Variants in SEPTIN12 observed in about 807,000 individuals in gnomAD.
SEPTIN12 encodes the protein septin 12, also known as septin-12.
In SEPTIN12, 42 loss-of-function variants were observed where a neutral mutation model predicts 37.7. The observed-to-expected ratio is 1.11, with a 90% CI of 0.87 to 1.44. The LOEUF (loss-of-function observed/expected upper bound fraction) is 1.44. Ranked by LOEUF, SEPTIN12 falls within the 40% of genes most tolerant of loss-of-function variation. The pLI, the probability that SEPTIN12 is intolerant of heterozygous loss-of-function variation, is 0.00. For synonymous variants in SEPTIN12, 254 were observed against 196.7 expected, an observed-to-expected ratio of 1.29 and a Z score of -2.44; for missense variants, 613 against 479.2, an observed-to-expected ratio of 1.28 and a Z score of -2.61.
At chr16:4,780,837 G>A (rs2082364358) in intron 7 of SEPTIN12, among the ~76,000 whole-genome samples, 1 of 152,162 alleles carries the variant, frequency 6.6e-6, no homozygotes, top group Admixed American at 6.5e-5. Context: ...AATTAGCTGG[G>A]TGTGGTGGCG....
At position 4,784,076 on chromosome 16, in the gene SEPTIN12, G is replaced by A. The variant is rs1555488503; in HGVS notation, c.375-8C>T. 5.0e-6 allele frequency: 8 copies of A among 1,613,846 alleles called. No homozygotes were observed. Among genetic ancestry groups the A allele is most frequent in the South Asian group, 1.1e-5 (1 of 91,064 alleles). ...CCCAGGATGGGGTCCCAGCTGAGGCGGGAGGTGGACCCTCCCCTCAGAACT... is the reference window on the plus strand; with the variant it reads ...CCCAGGATGGGGTCCCAGCTGAGGCAGGAGGTGGACCCTCCCCTCAGAACT... On this transcript the variant is annotated splice_polypyrimidine_tract_variant and splice_region_variant and intron_variant, in intron 4 of 9. Transcript: ENST00000268231.
In SEPTIN12 at chr16:4,784,403, C is replaced by G. The variant is rs185681743; in HGVS notation, c.375-335G>C. The G allele has an allele frequency of 4.0e-5, 12 of 296,972 alleles. No homozygotes were observed. The East Asian group carries it at 6.6e-4, about 16-fold the overall frequency. 18.4% of individuals were successfully genotyped at this position (296,972 alleles called of 1,614,324 possible). On this transcript the variant is annotated intron_variant, in intron 4 of 9. Coordinates refer to ENST00000268231, the MANE Select transcript of SEPTIN12 (RefSeq NM_144605.5). ...TCGCGCCTGATGGTTGCAGGGGTCTCCCTCCTCCTCTTCGAGTCCCTTCCC... is the reference window on the plus strand; with the variant it reads ...TCGCGCCTGATGGTTGCAGGGGTCTGCCTCCTCCTCTTCGAGTCCCTTCCC...
intron 8 of SEPTIN12, among the ~76,000 whole-genome samples, 166 bp from the exon 9 acceptor site, chr16:4,778,303 T>C (rs2082335876): frequency 6.6e-6 from 1 of 152,238 alleles, no homozygotes; most frequent in African/African-American, 2.4e-5. Flanking sequence ...CACTGTTGTG[T>C]TCCCAGTGCC....
intron 2 of SEPTIN12, among the ~76,000 whole-genome samples, chr16:4,787,049 T>C (rs2141881271): frequency 6.6e-6 from 1 of 152,254 alleles, no homozygotes; most frequent in African/African-American, 2.4e-5. Flanking sequence ...CAAATTTTTG[T>C]ATTTTTAGTA....
At chr16:4,786,845 G>C (rs1345465744) in intron 2 of SEPTIN12, among the ~76,000 whole-genome samples, 2 of 151,836 alleles carry the variant, frequency 1.3e-5, no homozygotes, top group African/African-American at 4.8e-5. Context: ...ATGGGGTCTT[G>C]CTGTGTTGCC....
chr16:4,784,595 C>T (rs1255623871), intron 4 of SEPTIN12, among the ~76,000 whole-genome samples: 2 of 151,282 alleles, frequency 1.3e-5, no homozygotes, highest in African/African-American at 4.9e-5. Context: ...CATGGGGAAA[C>T]GCCAACTCTA....
At chr16:4,786,983 T>C in intron 2 of SEPTIN12, among the ~76,000 whole-genome samples, 1 of 151,954 alleles carries the variant, frequency 6.6e-6, no homozygotes, top group Non-Finnish European at 1.5e-5. Context: ...CAAGCAATTC[T>C]CCTGCCTTAG....
Position 4,785,963 on chromosome 16 carries a change from G to T in SEPTIN12, c.292+17C>A. ...GTGGGGCAGGGTGGGGTGAGGTGTG[G>T]GCAGGGGCTCACTCACCATGGGTCA... On this transcript the variant is annotated intron_variant, in intron 3 of 9. Coordinates refer to ENST00000268231, the MANE Select transcript of SEPTIN12 (RefSeq NM_144605.5). 6.2e-7 allele frequency: 1 copy of T among 1,611,588 alleles called. No homozygotes were observed. Among genetic ancestry groups the T allele is most frequent in the Non-Finnish European group, 8.5e-7 (1 of 1,178,332 alleles).
At position 4,783,960 on chromosome 16, in the gene SEPTIN12, G is replaced by A. The variant is rs775385682; in HGVS notation, c.483C>T (p.Cys161=). 5.0e-6 allele frequency: 8 copies of A among 1,614,176 alleles called. No individual in the cohort carries two copies. Among genetic ancestry groups the A allele is most frequent in the Admixed American group, 1.7e-5 (1 of 60,014 alleles). Residue 161 remains cysteine, a synonymous_variant, in exon 5 of 10, where the codon TGC becomes TGT. Coordinates refer to ENST00000268231, the MANE Select transcript of SEPTIN12 (RefSeq NM_144605.5). ...RHIPDTRVHC[C]VYFVPPTGHC... is the part of the protein sequence containing the mutation. ...GCCCAGTGGGTGGTACAAAGTACAC[G>A]CAGCAGTGCACCCGGGTGTCTGGGA...
intron 4 of SEPTIN12, among the ~76,000 whole-genome samples, chr16:4,785,280 T>G (rs1484122104): frequency 6.7e-6 from 1 of 149,860 alleles, no homozygotes; most frequent in Admixed American, 6.6e-5. Flanking sequence ...GGAAATTGCT[T>G]GAACCCAGGA....
chr16:4,783,624 A>T, intron 6 of SEPTIN12, 25 bp downstream of exon 6: 1 of 1,612,284 alleles, frequency 6.2e-7, no homozygotes, highest in South Asian at 1.1e-5. Flanking sequence ...CGCTGACCCC[A>T]GCCCTGCCCG....
In SEPTIN12 at chr16:4,781,401, C is replaced by A. The variant is rs182782209; in HGVS notation, c.727-1615G>T. Among the ~76,000 whole-genome samples, 101 of 152,146 alleles carry A rather than the reference C, an allele frequency of 6.6e-4. No individual in the cohort carries two copies. The Middle Eastern group carries it at 0.017, about 26-fold the overall frequency. On this transcript the variant is annotated intron_variant, in intron 7 of 9. Transcript: ENST00000268231. ...ATCTAATTTCACAACGTTTTCATCA[C>A]GTCCCCCCAAAAAAACCCCATACCT...
In SEPTIN12 at chr16:4,783,754, C is replaced by G; in HGVS notation, c.525G>C (p.Leu175=). 8.1e-6 allele frequency: 13 copies of G among 1,613,774 alleles called. No homozygotes were observed. Among genetic ancestry groups the G allele is most frequent in the Non-Finnish European group, 1.1e-5 (13 of 1,179,914 alleles). Residue 175 remains leucine, a synonymous_variant, in exon 6 of 10, where the codon CTG becomes CTC. Transcript: ENST00000268231. The stretch of plus-strand genomic sequence containing the variant: ...ACAGCCGCTGCAGGAACTCAATGTC[C>G]AGGGGCCGCAGGCTGCCGGAGGCAG... The part of the protein sequence containing the change: ...VPPTGHCLRP[L]DIEFLQRLCR...
At position 4,783,736 on chromosome 16, in the gene SEPTIN12, C is replaced by G. The variant is rs755785484; in HGVS notation, c.543G>C (p.Gln181His). The G allele has an allele frequency of 6.2e-7, 1 of 1,614,038 alleles. No individual in the cohort carries two copies. The highest frequency in any genetic ancestry group is 8.5e-7 in the Non-Finnish European group (1 of 1,179,980). ...CCACATTCACAGTCCGGCACAGCCG[C>G]TGCAGGAACTCAATGTCCAGGGGCC... ...CLRPLDIEFL[Q>H]RLCRTVNVVP... The change falls in exon 6 of 10, where the codon CAG (glutamine) becomes CAC (histidine). Residue 181 changes from glutamine to histidine, a missense_variant. Gln to His is a conservative substitution (Grantham distance 24). Coordinates refer to ENST00000268231, the MANE Select transcript of SEPTIN12 (RefSeq NM_144605.5).
intron 2 of SEPTIN12, among the ~76,000 whole-genome samples, chr16:4,786,540 A>G (rs936672528): frequency 6.6e-6 from 1 of 151,386 alleles, no homozygotes; most frequent in African/African-American, 2.4e-5. Flanking sequence ...TATTTTTAGT[A>G]GAGACGGGGT....
Position 4,783,957 on chromosome 16 carries a change from C to G in SEPTIN12, c.486G>C (p.Val162=). Residue 162 remains valine (V), a synonymous_variant, in exon 5 of 10, where the codon GTG becomes GTC. Transcript: ENST00000268231. Reference sequence around the variant, plus strand: ...AGTGCCCAGTGGGTGGTACAAAGTACACGCAGCAGTGCACCCGGGTGTCTG... The same window carrying G: ...AGTGCCCAGTGGGTGGTACAAAGTAGACGCAGCAGTGCACCCGGGTGTCTG... ...HIPDTRVHCC[V]YFVPPTGHCL... 1 of 1,614,192 alleles carries G rather than the reference C, an allele frequency of 6.2e-7. No individual in the cohort carries two copies. The highest frequency in any genetic ancestry group is 8.5e-7 in the Non-Finnish European group (1 of 1,180,022).
rs760953079 is a variant in SEPTIN12 at position 4,778,008 on chromosome 16, C to T, written c.876-10G>A. 44 of 1,611,848 alleles carry T rather than the reference C, an allele frequency of 2.7e-5. No homozygotes were observed. Among genetic ancestry groups the T allele is most frequent in the East Asian group, 1.3e-4 (6 of 44,802 alleles). The stretch of plus-strand genomic sequence containing the variant: ...GTCTTGGAGGTGGGAGCTGGGGGAC[C>T]GGAGACGGTCAGCCCCGATGGTGGT... On this transcript the variant is annotated splice_polypyrimidine_tract_variant and intron_variant, in intron 9 of 9. Coordinates refer to ENST00000268231, the MANE Select transcript of SEPTIN12 (RefSeq NM_144605.5).
upstream of SEPTIN12, among the ~76,000 whole-genome samples, chr16:4,791,549 C>T (rs986195287): frequency 1.3e-5 from 2 of 152,160 alleles, no homozygotes. Flanking sequence ...GGGAACGTTA[C>T]TCAAGCTCAC....
intron 7 of SEPTIN12, among the ~76,000 whole-genome samples, chr16:4,781,366 C>G (rs964413637): frequency 1.3e-5 from 2 of 152,046 alleles, no homozygotes; most frequent in East Asian, 3.9e-4. Context: ...GTTATGCAAC[C>G]ATCATCGCAA....
Sources: allele counts gnomAD v4.1 joint callset (sites outside exome capture counted in the v4.1 genomes callset), GRCh38; gene constraint gnomAD v4.1.1; transcripts MANE v1.5; gene names NCBI Gene and HGNC (gene_info 2026-07-23, HGNC 2026-07-21).